The following IGF2R variants were observed in gnomAD, a reference collection of about 807,000 sequenced individuals.
IGF2R encodes the protein cation-independent mannose-6-phosphate receptor.
In IGF2R, 91 loss-of-function variants were observed where a neutral mutation model predicts 270.6. The observed-to-expected ratio is 0.34, with a 90% CI of 0.28 to 0.40. The LOEUF (loss-of-function observed/expected upper bound fraction) is 0.40. Among genes scored for constraint, IGF2R ranks in the 10% least tolerant of loss-of-function variants. The pLI is 1.00. For synonymous variants in IGF2R, 1,316 were observed against 1,258.9 expected, an observed-to-expected ratio of 1.05 and a Z score of -0.96; for missense variants, 2,805 against 3,188.3, an observed-to-expected ratio of 0.88 and a Z score of 2.90.
chr6:160,089,800 TC>T, intron 43 of IGF2R, 115 bp from the exon 44 acceptor site: 13 of 643,830 alleles, frequency 2.0e-5, no homozygotes, highest in South Asian at 2.8e-5. Flanking sequence ...GTGCTTCCTT[TC>T]CCTAGGAAAG....
At chr6:160,075,694 A>G (rs767170235) in intron 35 of IGF2R, among the ~76,000 whole-genome samples, 153 bp from the exon 36 acceptor site, 9 of 152,194 alleles carry the variant, frequency 5.9e-5, no homozygotes, top group South Asian at 2.1e-4. Flanking sequence ...AAGCCTTCCA[A>G]CTGGAGTTGG....
In IGF2R at chr6:160,104,665, C is replaced by T; in HGVS notation, c.7066-9C>T. ...GGCTCACGTGGTCTCTGCTGTTGATCCCTGGCAGGTGAATAAGGAAGAAGA... is the reference window on the plus strand; with the variant it reads ...GGCTCACGTGGTCTCTGCTGTTGATTCCTGGCAGGTGAATAAGGAAGAAGA... On this transcript the variant is annotated splice_polypyrimidine_tract_variant and intron_variant, in intron 47 of 47. Transcript: ENST00000356956. 3 of 1,606,676 alleles carry T rather than the reference C, an allele frequency of 1.9e-6. No individual in the cohort carries two copies. The highest frequency in any genetic ancestry group is 2.2e-5 in the East Asian group (1 of 44,850).
Position 160,079,654 on chromosome 6 carries a change from G to C in IGF2R, c.5553G>C (p.Lys1851Asn), listed in dbSNP as rs770749703. 1.2e-5 allele frequency: 19 copies of C among 1,569,764 alleles called. 1 individual carries two copies. The South Asian group carries it at 1.8e-4, about 15-fold the overall frequency. ...FAVGPEQGGC[K>N]DGGVCLLSGT... ...TCGGGCCAGAACAAGGAGGCTGTAA[G>C]GACGGAGGAGTCTGTCTGCTCTCAG... is the stretch of plus-strand genomic sequence containing the variant. The change falls in exon 38 of 48, where the codon AAG (lysine) becomes AAC (asparagine). Residue 1851 changes from lysine to asparagine, a missense_variant. Physicochemically the swap from Lys to Asn is moderately conservative, Grantham distance 94. Coordinates refer to ENST00000356956, the MANE Select transcript of IGF2R (RefSeq NM_000876.4).
chr6:159,969,295 C>T lies in IGF2R; in HGVS notation c.49C>T (p.Arg17Cys), dbSNP rs952359897. 2.4e-6 allele frequency: 3 copies of T among 1,226,376 alleles called. No individual in the cohort carries two copies. The highest frequency in any genetic ancestry group is 1.6e-5 in the African/African-American group (1 of 63,012). The allele number at this position is 1,226,376 out of a possible 1,614,324, so 76.0% of individuals were successfully genotyped here. ...CCCCCACCTGGGGCCCGCGCCCGCC[C>T]GCCGCCCGCAGCGCTCTCTGCTCCT... ...RSPHLGPAPA[R>C]RPQRSLLLLQ... The change falls in exon 1 of 48, where the codon CGC becomes TGC. Residue 17 changes from arginine (R) to cysteine (C), a missense_variant. By Grantham distance (180) the Arg-to-Cys change is radical. Transcript: ENST00000356956.
chr6:160,056,568 G>A (rs1778322332), intron 20 of IGF2R, 43 bp downstream of exon 20: 1 of 1,287,516 alleles, frequency 7.8e-7, no homozygotes, highest in Non-Finnish European at 1.1e-6. Context: ...GCTGCCTGCT[G>A]GACATCCTCA....
intron 4 of IGF2R, 138 bp downstream of exon 4, chr6:160,010,923 T>C: frequency 1.7e-6 from 1 of 582,796 alleles, no homozygotes; most frequent in Non-Finnish European, 3.1e-6. Flanking sequence ...ACCATGTGAT[T>C]TAATTTTTAA....
intron 7 of IGF2R, among the ~76,000 whole-genome samples, chr6:160,030,944 C>T (rs1267162198): frequency 6.6e-6 from 1 of 152,048 alleles, no homozygotes; most frequent in Non-Finnish European, 1.5e-5. Flanking sequence ...CCACTTCAAG[C>T]AATCCTCCCA....
chr6:159,969,825 G>A (rs945987611), intron 1 of IGF2R, among the ~76,000 whole-genome samples: 1 of 152,202 alleles, frequency 6.6e-6, no homozygotes, highest in African/African-American at 2.4e-5. Context: ...GAGGCCCCTC[G>A]GTGTGGAGAG....
intron 45 of IGF2R, among the ~76,000 whole-genome samples, chr6:160,101,464 GTT>G (rs1779482984): frequency 6.6e-6 from 1 of 152,184 alleles, no homozygotes. Flanking sequence ...TGTCCCTGTG[GTT>G]TCTTGTCTTG....
intron 22 of IGF2R, 113 bp downstream of exon 22, chr6:160,059,211 G>A: frequency 1.2e-6 from 1 of 833,630 alleles, no homozygotes; most frequent in Non-Finnish European, 1.9e-6. Flanking sequence ...CATGGGCTGT[G>A]CTGTCCACCT....
Position 160,040,717 on chromosome 6 carries a change from C to T in IGF2R, c.1473C>T (p.Arg491=), listed in dbSNP as rs755115294. Residue 491 remains arginine (R), a synonymous_variant, in exon 11 of 48, where the codon CGC becomes CGT. Coordinates refer to ENST00000356956, the MANE Select transcript of IGF2R (RefSeq NM_000876.4). ...GCTATGACCTGTCCGCGCTGGTCCG[C>T]CATGCAGGTACTGCCCTCCTTGCCA... ...KKRYDLSALV[R]HAEPEQNWEA... 3 of 1,613,294 alleles carry T rather than the reference C, an allele frequency of 1.9e-6. No individual in the cohort carries two copies. Among genetic ancestry groups the T allele is most frequent in the Non-Finnish European group, 2.5e-6 (3 of 1,179,500 alleles).
intron 12 of IGF2R, 67 bp from the exon 13 acceptor site, chr6:160,044,447 C>T: frequency 3.3e-6 from 4 of 1,200,026 alleles, no homozygotes; most frequent in Admixed American, 5.3e-5. Flanking sequence ...TTTTTTAAGT[C>T]ACTTCTTTGT....
chr6:160,065,814 G>GTGTA lies in IGF2R; in HGVS notation c.4115+914_4115+915insGTAT. 2.6e-3 allele frequency among the ~76,000 whole-genome samples: 205 copies of GTGTA among 78,336 alleles called. 1 individual carries two copies. The highest frequency in any genetic ancestry group is 6.2e-3 in the Middle Eastern group (1 of 162). The allele number at this position is 78,336 out of a possible 152,430, so 51.4% of individuals were successfully genotyped here. On this transcript the variant is annotated intron_variant, in intron 29 of 47. Transcript: ENST00000356956. ...TGTGTGTGTGTGTGTGTGTGTGTGT[G>GTGTA]TATATATATATATATATATATATAT... is the stretch of plus-strand genomic sequence containing the variant.
chr6:159,986,452 G>T (rs1158591367), intron 1 of IGF2R, among the ~76,000 whole-genome samples: 2 of 141,424 alleles, frequency 1.4e-5, no homozygotes, highest in Non-Finnish European at 3.1e-5. Context: ...TTTTTAAGTA[G>T]ATTCAGGGTT....
chr6:159,988,246 T>C (rs1374672351), intron 1 of IGF2R, among the ~76,000 whole-genome samples: 2 of 152,070 alleles, frequency 1.3e-5, no homozygotes, highest in African/African-American at 4.8e-5. Context: ...CCGGGCGCGG[T>C]GGCTCACGCC....
At chr6:160,032,340 AAC>A (rs1411386410) in intron 7 of IGF2R, among the ~76,000 whole-genome samples, 2 of 152,326 alleles carry the variant, frequency 1.3e-5, no homozygotes, top group Admixed American at 6.5e-5. Context: ...GAAAAAAAAT[AAC>A]AGTTTAGAAA....
At chr6:159,991,396 C>CTA in intron 2 of IGF2R, 73 bp downstream of exon 2, 2 of 1,337,360 alleles carry the variant, frequency 1.5e-6, no homozygotes, top group Non-Finnish European at 2.1e-6. Flanking sequence ...CTGTGTATAG[C>CTA]TATACGTATA....
At chr6:160,080,300 C>A (rs1367453446) in intron 39 of IGF2R, 25 bp downstream of exon 39, 1 of 1,607,828 alleles carries the variant, frequency 6.2e-7, no homozygotes, top group Non-Finnish European at 8.5e-7. Flanking sequence ...TCCGCGTCCC[C>A]ACATGGCCTG....
chr6:159,970,157 C>T (rs9456484), intron 1 of IGF2R, among the ~76,000 whole-genome samples: 14,522 of 151,482 alleles, frequency 0.096, 739 homozygotes, highest in South Asian at 0.11. Context: ...TCAGTCCCAT[C>T]GAGGGCTGTT....
Sources: gnomAD v4.1 joint callset for allele counts (sites outside exome capture counted in the v4.1 genomes callset) on GRCh38, gnomAD v4.1.1 for gene constraint, MANE v1.5 for transcripts, NCBI Gene and HGNC (gene_info 2026-07-23, HGNC 2026-07-21) for gene names.